AHI1: variants seen among roughly 807,000 people sequenced by gnomAD.
The protein encoded by AHI1 is Abelson helper integration site 1.
In AHI1, 123 loss-of-function variants were observed where a neutral mutation model predicts 149.3. The observed-to-expected ratio is 0.82, with a 90% confidence interval of 0.71 to 0.96. The LOEUF is 0.96. Among genes scored for constraint, AHI1 ranks in the 40% least tolerant of loss-of-function variants. The pLI is 0.00. For synonymous variants in AHI1, 475 were observed against 459.8 expected, an observed-to-expected ratio of 1.03 and a Z score of -0.42; for missense variants, 1,439 against 1,422.7, an observed-to-expected ratio of 1.01 and a Z score of -0.18.
chr6:135,323,014 T>A, intron 25 of AHI1, 148 bp downstream of exon 25: 1 of 856,192 alleles, frequency 1.2e-6, no homozygotes, highest in Non-Finnish European at 1.6e-6. Context: ...TCTTTTTATT[T>A]TTTTACATCA....
intron 24 of AHI1, among the ~76,000 whole-genome samples, chr6:135,329,651 A>G (rs1788233920): frequency 6.6e-6 from 1 of 152,268 alleles, no homozygotes; most frequent in Non-Finnish European, 1.5e-5. Flanking sequence ...CAGCCCATGG[A>G]TCAAGGAGTA....
At chr6:135,295,215 A>G (rs544823063) in intron 27 of AHI1, among the ~76,000 whole-genome samples, 1 of 152,366 alleles carries the variant, frequency 6.6e-6, no homozygotes, top group East Asian at 1.9e-4. Context: ...TCAAACAACA[A>G]TGATATATCT....
chr6:135,350,322 A>T (rs1240043386), intron 24 of AHI1, among the ~76,000 whole-genome samples: 2 of 152,086 alleles, frequency 1.3e-5, no homozygotes, highest in Non-Finnish European at 2.9e-5. Flanking sequence ...GGTTTCCGAG[A>T]TGCTACATTA....
Position 135,466,007 on chromosome 6 carries a change from C to A in AHI1, c.556G>T (p.Glu186Ter), listed in dbSNP as rs1375659573. The change falls in exon 7 of 29, where the codon GAA becomes TAA. Residue 186 changes from glutamate (E) to a stop codon, truncating the protein, a stop_gained. Coordinates refer to ENST00000265602, the MANE Select transcript of AHI1 (RefSeq NM_001134831.2). LOFTEE classifies it high-confidence loss of function. ...CACTGATATGCTTGCATCAATTCTT[C>A]ATCCTCTTCTAAATCAGTCTCTTCT... Reference protein sequence around the residue: ...GREETDLEEDEELMQAYQCHV... With the variant: ...GREETDLEED The A allele has an allele frequency of 6.2e-7, 1 of 1,613,928 alleles. No individual in the cohort carries two copies. Among genetic ancestry groups the A allele is most frequent in the Non-Finnish European group, 8.5e-7 (1 of 1,179,882 alleles).
intron 24 of AHI1, 126 bp downstream of exon 24, chr6:135,358,006 A>G: frequency 2.7e-6 from 2 of 743,756 alleles, no homozygotes; most frequent in Admixed American, 2.6e-5. Context: ...ATATGAACAA[A>G]TCTTGCAGGG....
intron 23 of AHI1, among the ~76,000 whole-genome samples, chr6:135,392,985 C>T (rs1419921219): frequency 6.6e-6 from 1 of 152,130 alleles, no homozygotes; most frequent in Non-Finnish European, 1.5e-5. Flanking sequence ...ATCTCAATGA[C>T]ATTTCTAAGA....
chr6:135,285,390 AC>A lies in AHI1; in HGVS notation c.*254del. 1 of 529,938 alleles carries A rather than the reference AC, an allele frequency of 1.9e-6. No individual in the cohort carries two copies. The highest frequency in any genetic ancestry group is 3.4e-6 in the Non-Finnish European group (1 of 297,664). The allele number at this position is 529,938 out of a possible 1,614,324, so 32.8% of individuals were successfully genotyped here. On this transcript the variant is annotated 3_prime_UTR_variant, in exon 29 of 29. Transcript: ENST00000265602. ...CTGGTAATGTAATTATGATGCAATT[AC>A]TAACAATATAAGTACCAATACTTTG...
At chr6:135,379,139 G>A (rs570139816) in intron 23 of AHI1, among the ~76,000 whole-genome samples, 3 of 152,204 alleles carry the variant, frequency 2.0e-5, no homozygotes, top group East Asian at 3.9e-4. Flanking sequence ...ATTAGATATC[G>A]TGTTTCAGAA....
chr6:135,485,181 C>T (rs1794299365), intron 5 of AHI1, among the ~76,000 whole-genome samples: 1 of 151,430 alleles, frequency 6.6e-6, no homozygotes, highest in Non-Finnish European at 1.5e-5. Flanking sequence ...TCAAGCAATT[C>T]TCATGCCTCA....
chr6:135,370,724 G>A (rs9494227), intron 23 of AHI1, among the ~76,000 whole-genome samples: 10,676 of 152,124 alleles, frequency 0.07, 1,169 homozygotes, highest in African/African-American at 0.23. Flanking sequence ...CAATAATATG[G>A]TAAGAGTGAT....
At chr6:135,293,421 AAAAG>A (rs1782645061) in intron 27 of AHI1, among the ~76,000 whole-genome samples, 1 of 134,374 alleles carries the variant, frequency 7.4e-6, no homozygotes, top group African/African-American at 2.7e-5. Flanking sequence ...AAAAAAAAAA[AAAAG>A]AAAAAAAGAA....
At chr6:135,495,229 A>G (rs1320450018) in intron 3 of AHI1, 2 of 152,196 alleles carry the variant, frequency 1.3e-5, no homozygotes, top group African/African-American at 4.8e-5. Context: ...ATTTTCTAAA[A>G]TTCAAATGTG....
At chr6:135,477,516 T>A (rs1246164861) in intron 5 of AHI1, among the ~76,000 whole-genome samples, 1 of 152,212 alleles carries the variant, frequency 6.6e-6, no homozygotes, top group African/African-American at 2.4e-5. Context: ...CCAAATCTCA[T>A]GTTGAATTGT....
intron 10 of AHI1, among the ~76,000 whole-genome samples, chr6:135,453,907 A>G (rs1788517602): frequency 6.6e-6 from 1 of 152,132 alleles, no homozygotes; most frequent in Non-Finnish European, 1.5e-5. Flanking sequence ...CCATTCCTCT[A>G]TCCTGTCTGG....
At chr6:135,322,006 T>C (rs770761090) in intron 25 of AHI1, among the ~76,000 whole-genome samples, 1 of 152,240 alleles carries the variant, frequency 6.6e-6, no homozygotes, top group Non-Finnish European at 1.5e-5. Flanking sequence ...TTTTGCCATG[T>C]TGGCCAGGCT....
At chr6:135,400,870 C>T (rs890826199) in intron 22 of AHI1, among the ~76,000 whole-genome samples, 4 of 152,138 alleles carry the variant, frequency 2.6e-5, no homozygotes, top group Non-Finnish European at 1.5e-5. Context: ...TTTCTTTTCT[C>T]CTCCAGCCTG....
chr6:135,430,785 T>C (rs1784537063), intron 17 of AHI1, among the ~76,000 whole-genome samples: 1 of 151,972 alleles, frequency 6.6e-6, no homozygotes, highest in Non-Finnish European at 1.5e-5. Flanking sequence ...ATCTTCATAA[T>C]AACCGCATAA....
chr6:135,463,868 C>G (rs1240636674), intron 7 of AHI1, among the ~76,000 whole-genome samples: 1 of 152,124 alleles, frequency 6.6e-6, no homozygotes, highest in Non-Finnish European at 1.5e-5. Flanking sequence ...CCTCCCACTT[C>G]TGCCTCCCAA....
Position 135,466,161 on chromosome 6 carries a change from G to C in AHI1, c.402C>G (p.Pro134=). The change falls in exon 7 of 29, where the codon CCC becomes CCG. Residue 134 remains proline (P), a synonymous_variant. Coordinates refer to ENST00000265602, the MANE Select transcript of AHI1 (RefSeq NM_001134831.2). The part of the protein sequence containing the change: ...KPNKKVIKTV[P]QLTTQDLKPE... ...GTTTCAGGTCTTGTGTAGTCAACTG[G>C]GGCACCGTCTTTATCACCTTTTTAT... The C allele has an allele frequency of 1.2e-6, 2 of 1,613,756 alleles. No homozygotes were observed. Among genetic ancestry groups the C allele is most frequent in the South Asian group, 1.1e-5 (1 of 91,068 alleles).
Sources: allele counts gnomAD v4.1 joint callset (sites outside exome capture counted in the v4.1 genomes callset), GRCh38; gene constraint gnomAD v4.1.1; transcripts MANE v1.5; gene names NCBI Gene and HGNC (gene_info 2026-07-23, HGNC 2026-07-21).